The following EPB41L3 variants were observed in gnomAD, a reference collection of about 807,000 sequenced individuals.
EPB41L3 encodes erythrocyte membrane protein band 4.1 like 3.
A neutral mutation model predicts 127.1 loss-of-function variants in EPB41L3; 57 were observed. The ratio of observed to expected loss-of-function variants is 0.45; its 90% CI spans 0.36 to 0.56. The LOEUF (loss-of-function observed/expected upper bound fraction) is 0.56. Ranked by LOEUF, EPB41L3 falls within the 20% of genes least tolerant of loss-of-function variation. EPB41L3 has a pLI of 0.00. For synonymous variants in EPB41L3, 572 were observed against 549.5 expected, an observed-to-expected ratio of 1.04 and a Z score of -0.57; for missense variants, 1,273 against 1,372.2, an observed-to-expected ratio of 0.93 and a Z score of 1.14.
intron 1 of EPB41L3, among the ~76,000 whole-genome samples, chr18:5,617,062 C>T (rs1442706933): frequency 6.6e-6 from 1 of 152,098 alleles, no homozygotes; most frequent in African/African-American, 2.4e-5. Context: ...ATTATTGTAT[C>T]AATTTACCTT....
chr18:5,508,813 T>A (rs1033899563), intron 1 of EPB41L3, among the ~76,000 whole-genome samples: 1 of 151,518 alleles, frequency 6.6e-6, no homozygotes, highest in African/African-American at 2.4e-5. Context: ...TACCAGCTAT[T>A]TGATGTGTCC....
At chr18:5,518,548 A>T (rs1313061659) in intron 1 of EPB41L3, 1 of 152,234 alleles carries the variant, frequency 6.6e-6, no homozygotes, top group Non-Finnish European at 1.5e-5. Flanking sequence ...GCTCCAGAAC[A>T]GCAGGGGTTT....
intron 2 of EPB41L3, among the ~76,000 whole-genome samples, chr18:5,483,793 C>A (rs998893728): frequency 6.6e-6 from 1 of 151,726 alleles, no homozygotes; most frequent in Non-Finnish European, 1.5e-5. Context: ...TATCTATGCA[C>A]CTAACACCAG....
chr18:5,478,365 T>TTATC lies in EPB41L3; in HGVS notation c.253_256dup (p.Lys86ArgfsTer2). On this transcript the variant is annotated stop_gained and frameshift_variant, in exon 3 of 23. Coordinates refer to ENST00000341928, the MANE Select transcript of EPB41L3 (RefSeq NM_012307.5). LOFTEE classifies it high-confidence loss of function. ...ACTGCTAGATGATTTCTGAGAAAGTTTATCGTCTTCTAATTGCTGATATTC... is the reference window on the plus strand; with the variant it reads ...ACTGCTAGATGATTTCTGAGAAAGTTTATCTATCGTCTTCTAATTGCTGATATTC... 1 of 1,614,184 alleles carries TTATC rather than the reference T, an allele frequency of 6.2e-7. No individual in the cohort carries two copies. Among genetic ancestry groups the TTATC allele is most frequent in the Non-Finnish European group, 8.5e-7 (1 of 1,180,024 alleles).
intron 1 of EPB41L3, among the ~76,000 whole-genome samples, chr18:5,511,489 G>C (rs35470593): frequency 7.4e-6 from 1 of 135,600 alleles, no homozygotes; most frequent in Non-Finnish European, 1.5e-5. Context: ...CTTTGGCCCA[G>C]ATTGGTTTTT....
At chr18:5,479,370 C>G (rs945852585) in intron 2 of EPB41L3, among the ~76,000 whole-genome samples, 2 of 152,216 alleles carry the variant, frequency 1.3e-5, no homozygotes, top group African/African-American at 4.8e-5. Flanking sequence ...ATAAGCATGG[C>G]ATTTCCTTTC....
intron 3 of EPB41L3, among the ~76,000 whole-genome samples, chr18:5,572,786 C>T (rs1373289479): frequency 1.3e-5 from 2 of 152,126 alleles, no homozygotes; most frequent in African/African-American, 4.8e-5. Flanking sequence ...GTTGCCCAGG[C>T]TTATCTCAAA....
At chr18:5,418,467 A>C (rs2144902641) in intron 12 of EPB41L3, among the ~76,000 whole-genome samples, 1 of 152,354 alleles carries the variant, frequency 6.6e-6, no homozygotes, top group South Asian at 2.1e-4. Context: ...AAAATGTTAG[A>C]ATAACTAAGA....
At chr18:5,509,728 T>C (rs1416426315) in intron 1 of EPB41L3, among the ~76,000 whole-genome samples, 2 of 152,214 alleles carry the variant, frequency 1.3e-5, no homozygotes, top group East Asian at 3.9e-4. Context: ...TAATTTTCTT[T>C]ATAATCATTC....
chr18:5,629,708 TAG>T (rs568751468), upstream of EPB41L3, among the ~76,000 whole-genome samples: 11 of 152,006 alleles, frequency 7.2e-5, no homozygotes, highest in South Asian at 1.7e-3. Context: ...GAGGGAGCAC[TAG>T]AGAGAGAGCC....
chr18:5,400,871 A>G (rs2074390625), intron 16 of EPB41L3: 1 of 757,602 alleles, frequency 1.3e-6, no homozygotes, highest in Admixed American at 2.5e-5. Context: ...TTTAAACAAG[A>G]TAAATGTTAA....
chr18:5,623,064 C>T (rs1370767519), intron 1 of EPB41L3, among the ~76,000 whole-genome samples: 1 of 131,776 alleles, frequency 7.6e-6, no homozygotes, highest in Non-Finnish European at 1.5e-5. Flanking sequence ...AAATTTTTTT[C>T]ATCCTGTATG....
At chr18:5,551,947 A>G (rs911497653) in intron 3 of EPB41L3, among the ~76,000 whole-genome samples, 1 of 152,226 alleles carries the variant, frequency 6.6e-6, no homozygotes, top group African/African-American at 2.4e-5. Flanking sequence ...GCATTCCCCA[A>G]GTGACTTTTA....
At chr18:5,467,752 TCTC>T (rs1172938512) in intron 3 of EPB41L3, among the ~76,000 whole-genome samples, 2 of 152,234 alleles carry the variant, frequency 1.3e-5, no homozygotes, top group African/African-American at 4.8e-5. Flanking sequence ...AGTAGATCCT[TCTC>T]CTTCTGTTTC....
chr18:5,515,612 A>AG (rs2092718510), intron 1 of EPB41L3, among the ~76,000 whole-genome samples: 1 of 152,190 alleles, frequency 6.6e-6, no homozygotes, highest in South Asian at 2.1e-4. Context: ...CACAGCAAAA[A>AG]GGAAGTAAGA....
intron 16 of EPB41L3, chr18:5,400,087 C>T (rs1409623674): frequency 6.4e-6 from 1 of 157,128 alleles, no homozygotes; most frequent in Non-Finnish European, 1.4e-5. Flanking sequence ...AAGTGATCCT[C>T]CCATCTCAGC....
intron 6 of EPB41L3, among the ~76,000 whole-genome samples, chr18:5,436,879 C>T (rs2079920189): frequency 1.3e-5 from 2 of 152,200 alleles, no homozygotes; most frequent in African/African-American, 2.4e-5. Flanking sequence ...TTTTACCCTT[C>T]TCTTAATATG....
intron 3 of EPB41L3, among the ~76,000 whole-genome samples, chr18:5,579,092 T>G (rs1238975762): frequency 6.6e-6 from 1 of 152,236 alleles, no homozygotes; most frequent in East Asian, 1.9e-4. Flanking sequence ...ACAGATGTTA[T>G]TACAGCATAT....
At chr18:5,488,741 T>A (rs1376274822) in intron 2 of EPB41L3, 2 of 417,618 alleles carry the variant, frequency 4.8e-6, no homozygotes, top group African/African-American at 4.2e-5. Context: ...TTCCTCTAAA[T>A]CCAGATAGGA....
Sources: allele counts gnomAD v4.1 joint callset (sites outside exome capture counted in the v4.1 genomes callset), GRCh38; gene constraint gnomAD v4.1.1; transcripts MANE v1.5; gene names NCBI Gene and HGNC (gene_info 2026-07-23, HGNC 2026-07-21).